The following MIGA2 variants were observed in gnomAD, a reference collection of about 807,000 sequenced individuals.
MIGA2 encodes the protein family with sequence similarity 73, member B.
Under a neutral mutation model 69.9 loss-of-function variants are expected in MIGA2, and 36 were observed. The observed-to-expected ratio is 0.52, with a 90% CI of 0.39 to 0.68. MIGA2 has a LOEUF of 0.68. Among genes scored for constraint, MIGA2 ranks in the 30% least tolerant of loss-of-function variants. The pLI is 0.00. For synonymous variants in MIGA2, 333 were observed against 349.2 expected (o/e 0.95, Z 0.52); for missense variants, 660 against 787.7 (o/e 0.84, Z 1.94).
At chr9:129,064,415 G>A in intron 11 of MIGA2, among the ~76,000 whole-genome samples, 1 of 151,388 alleles carries the variant, frequency 6.6e-6, no homozygotes, top group East Asian at 1.9e-4. Flanking sequence ...CACCGTGTTA[G>A]CCAGGATGGT....
At chr9:129,055,978 G>A (rs1194032355) in intron 6 of MIGA2, among the ~76,000 whole-genome samples, 1 of 151,218 alleles carries the variant, frequency 6.6e-6, no homozygotes, top group African/African-American at 2.4e-5. Context: ...GTGAGATCCT[G>A]TCTCTACAAT....
chr9:129,069,218 C>T lies in MIGA2; in HGVS notation c.1458+89C>T. The T allele has an allele frequency of 6.6e-7, 1 of 1,517,926 alleles. No individual in the cohort carries two copies. The highest frequency in any genetic ancestry group is 9.1e-7 in the Non-Finnish European group (1 of 1,099,308). 94.0% of individuals were successfully genotyped at this position (1,517,926 alleles called of 1,614,324 possible). On this transcript the variant is annotated intron_variant, in intron 14 of 15. Coordinates refer to ENST00000684074, the MANE Select transcript of MIGA2 (RefSeq NM_001329990.2). The surrounding 1 kb of genome is among the most constrained non-coding windows in gnomAD (Gnocchi z 4.9). ...AGCGGGTGCAGGGTGGCTCGCTGGGCCACTTGGCCTTCACCGCTCACAGTC... is the reference window on the plus strand; with the variant it reads ...AGCGGGTGCAGGGTGGCTCGCTGGGTCACTTGGCCTTCACCGCTCACAGTC...
chr9:129,056,735 T>C (rs1217509692), intron 6 of MIGA2, among the ~76,000 whole-genome samples: 3 of 151,358 alleles, frequency 2.0e-5, no homozygotes, highest in Non-Finnish European at 2.9e-5. Context: ...ACCAGGCTGG[T>C]CTCGAACTCC....
chr9:129,037,343 A>T (rs923398311), intron 1 of MIGA2, among the ~76,000 whole-genome samples: 4 of 152,082 alleles, frequency 2.6e-5, no homozygotes, highest in Non-Finnish European at 4.4e-5. Flanking sequence ...GGGTGCTGTA[A>T]GTGCTGTGGT....
At chr9:129,048,668 G>A (rs1323885811) in intron 4 of MIGA2, 129 bp downstream of exon 4, 3 of 712,382 alleles carry the variant, frequency 4.2e-6, no homozygotes, top group East Asian at 2.7e-5. Context: ...CTCCACCCAC[G>A]CGGGCTTTCA....
Position 129,067,820 on chromosome 9 carries a change from C to A in MIGA2, c.1218C>A (p.Ala406=). The A allele has an allele frequency of 6.2e-7, 1 of 1,613,268 alleles. No homozygotes were observed. The highest frequency in any genetic ancestry group is 1.7e-4 in the Middle Eastern group (1 of 6,060). ...GCTACGAGGAGATGCTGAGCTATGCCCTGCGGCCCGAGACCTGGGCCACAA... is the reference window on the plus strand; with the variant it reads ...GCTACGAGGAGATGCTGAGCTATGCACTGCGGCCCGAGACCTGGGCCACAA... ...LESYEEMLSY[A]LRPETWATTR... The change falls in exon 12 of 16, where the codon GCC becomes GCA. Residue 406 remains alanine (A), a synonymous_variant. Coordinates refer to ENST00000684074, the MANE Select transcript of MIGA2 (RefSeq NM_001329990.2).
intron 6 of MIGA2, among the ~76,000 whole-genome samples, chr9:129,050,427 A>G (rs1845460491): frequency 6.6e-6 from 1 of 152,026 alleles, no homozygotes; most frequent in Admixed American, 6.6e-5. Context: ...GGCGCCCGCC[A>G]CCACATTCAG....
Position 129,061,753 on chromosome 9 carries a change from G to A in MIGA2, c.1010+407G>A, listed in dbSNP as rs1229435540. Among the ~76,000 whole-genome samples the A allele has an allele frequency of 6.6e-6, 1 of 152,118 alleles. No homozygotes were observed. Among genetic ancestry groups the A allele is most frequent in the African/African-American group, 2.4e-5 (1 of 41,428 alleles). The stretch of plus-strand genomic sequence containing the variant: ...ATGAAAACAAAAGTAAATTCTCAGC[G>A]GGTACAGCCACAGCCACACAGGGGG... On this transcript the variant is annotated intron_variant, in intron 9 of 15. Coordinates refer to ENST00000684074, the MANE Select transcript of MIGA2 (RefSeq NM_001329990.2). The surrounding 1 kb of genome is among the most constrained non-coding windows in gnomAD (Gnocchi z 5.0).
rs1844859387 is a variant in MIGA2 at position 129,040,769 on chromosome 9, C to T, written c.96+79C>T. Reference sequence around the variant, plus strand: ...CCAAGGGCTCCTCCGTGTCCAGGAACGCTGAGCCCTCGTTCTTGCTTTGCC... The same window carrying T: ...CCAAGGGCTCCTCCGTGTCCAGGAATGCTGAGCCCTCGTTCTTGCTTTGCC... On this transcript the variant is annotated intron_variant, in intron 2 of 15. Coordinates refer to ENST00000684074, the MANE Select transcript of MIGA2 (RefSeq NM_001329990.2). 32 of 1,325,660 alleles carry T rather than the reference C, an allele frequency of 2.4e-5. No individual in the cohort carries two copies. The South Asian group carries it at 3.1e-4, about 13-fold the overall frequency. 82.1% of individuals were successfully genotyped at this position (1,325,660 alleles called of 1,614,324 possible).
intron 1 of MIGA2, among the ~76,000 whole-genome samples, chr9:129,038,789 C>CTTTTTTTTTTTTTTTTTTTT (rs869238538): frequency 5.6e-5 from 5 of 89,040 alleles, no homozygotes; most frequent in East Asian, 3.7e-4. Context: ...TTTTGTTTGT[C>CTTTTTTTTTTTTTTTTTTTT]TTTTTTTTTT....
In MIGA2 at chr9:129,053,448, C is replaced by A. The variant is rs533893298; in HGVS notation, c.675+3485C>A. Among the ~76,000 whole-genome samples, 7 of 150,694 alleles carry A rather than the reference C, an allele frequency of 4.6e-5. No homozygotes were observed. The East Asian group carries it at 1.2e-3, about 26-fold the overall frequency. The stretch of plus-strand genomic sequence containing the variant: ...GCGCAATCTTGGCTCACTGCAACTT[C>A]TGTCTCCCAGGTTCAAGCGATTCTC... On this transcript the variant is annotated intron_variant, in intron 6 of 15. Coordinates refer to ENST00000684074, the MANE Select transcript of MIGA2 (RefSeq NM_001329990.2).
intron 11 of MIGA2, among the ~76,000 whole-genome samples, chr9:129,066,498 C>G (rs888604041): frequency 1.1e-4 from 16 of 151,208 alleles, no homozygotes; most frequent in African/African-American, 3.9e-4. Flanking sequence ...CACAGTGAAA[C>G]CCCGTCTCTA....
rs148403228 is a variant in MIGA2, at chr9:129,054,987, G to A, written c.676-4167G>A. On this transcript the variant is annotated intron_variant, in intron 6 of 15. Coordinates refer to ENST00000684074, the MANE Select transcript of MIGA2 (RefSeq NM_001329990.2). ...GCTCACCACAACCTCCACCCCCCAG[G>A]TTCAAACGATTCTCCTGCCTCAACC... Among the ~76,000 whole-genome samples the A allele has an allele frequency of 3.8e-3, 573 of 152,002 alleles. 2 individuals carry two copies. The highest frequency in any genetic ancestry group is 0.013 in the African/African-American group (553 of 41,434).
rs184132127 is a variant in MIGA2 at position 129,064,904 on chromosome 9, T to C, written c.1170+1273T>C. ...TTCAAGCAATCCTCCCACCTCAACC[T>C]CCTGAGTAGCTGGGATTACAGGCAT... On this transcript the variant is annotated intron_variant, in intron 11 of 15. Transcript: ENST00000684074. Among the ~76,000 whole-genome samples, 321 of 151,180 alleles carry C rather than the reference T, an allele frequency of 2.1e-3. 1 individual carries two copies. The highest frequency in any genetic ancestry group is 7.5e-3 in the African/African-American group (308 of 41,192).
At chr9:129,045,464 A>AAAGCC (rs1845167453) in intron 3 of MIGA2, among the ~76,000 whole-genome samples, 1 of 138,314 alleles carries the variant, frequency 7.2e-6, no homozygotes, top group African/African-American at 3.1e-5. Context: ...AAAAAAAAAA[A>AAAGCC]AAAGCAAAAG....
Position 129,070,909 on chromosome 9 carries a change from C to T in MIGA2, c.*456C>T, listed in dbSNP as rs192792864. ...GTCCTGATGCCCTCCCCACCTCAAC[C>T]GCCTTCTCAGAGAGTTTGCAACTCC... On this transcript the variant is annotated 3_prime_UTR_variant, in exon 16 of 16. Transcript: ENST00000684074. 16 of 159,430 alleles carry T rather than the reference C, an allele frequency of 1.0e-4. No individual in the cohort carries two copies. In the East Asian group the frequency reaches 1.8e-3, roughly 18 times the overall value. The allele number at this position is 159,430 out of a possible 1,614,324, so 9.9% of individuals were successfully genotyped here. A position where few individuals can be genotyped will look rare whatever the true frequency, so the allele number is the denominator to read the frequency against.
chr9:129,063,039 G>GC (rs1160067077), intron 9 of MIGA2: 1 of 599,594 alleles, frequency 1.7e-6, no homozygotes, highest in African/African-American at 1.9e-5. Context: ...CGTCCTCAGA[G>GC]ATCATCCAGG....
In MIGA2 at chr9:129,068,034, G is replaced by A. The variant is rs1294704927; in HGVS notation, c.1269+163G>A. Reference sequence around the variant, plus strand: ...CCTGCCCCAGGCCAAGGCAGAGGGAGGAATGGCCTCAGCTACACCCGTTGC... The same window carrying A: ...CCTGCCCCAGGCCAAGGCAGAGGGAAGAATGGCCTCAGCTACACCCGTTGC... On this transcript the variant is annotated intron_variant, in intron 12 of 15. Coordinates refer to ENST00000684074, the MANE Select transcript of MIGA2 (RefSeq NM_001329990.2). The surrounding 1 kb of genome is among the most constrained non-coding windows in gnomAD (Gnocchi z 4.1). 1.6e-6 allele frequency: 2 copies of A among 1,265,424 alleles called. No homozygotes were observed. Among genetic ancestry groups the A allele is most frequent in the Non-Finnish European group, 2.3e-6 (2 of 888,392 alleles). 78.4% of individuals were successfully genotyped at this position (1,265,424 alleles called of 1,614,324 possible). A position where few individuals can be genotyped will look rare whatever the true frequency, so the allele number is the denominator to read the frequency against.
At chr9:129,041,629 C>G (rs904756581) in intron 2 of MIGA2, among the ~76,000 whole-genome samples, 7 of 152,226 alleles carry the variant, frequency 4.6e-5, no homozygotes, top group Non-Finnish European at 8.8e-5. Context: ...GCCACTGCAC[C>G]TGGTCCTATA....
Sources: allele counts gnomAD v4.1 joint callset (sites outside exome capture counted in the v4.1 genomes callset), GRCh38; gene constraint gnomAD v4.1.1; non-coding constraint Gnocchi (gnomAD v3.1); transcripts MANE v1.5; gene names NCBI Gene and HGNC (gene_info 2026-07-23, HGNC 2026-07-21).